SMIM36: variants seen among roughly 807,000 people sequenced by gnomAD.
The protein encoded by SMIM36 is small integral membrane protein 36.
At chr17:55,452,450 G>A (rs1908937479) in intron 4 of SMIM36, among the ~76,000 whole-genome samples, 2 of 152,172 alleles carry the variant, frequency 1.3e-5, no homozygotes, top group African/African-American at 4.8e-5. Flanking sequence ...CATAGGGCTG[G>A]AGAGGTGGGG....
At chr17:55,464,177 C>T (rs1218388261) in intron 4 of SMIM36, among the ~76,000 whole-genome samples, 1 of 152,100 alleles carries the variant, frequency 6.6e-6, no homozygotes, top group South Asian at 2.1e-4. Flanking sequence ...GTCATGTCCA[C>T]CTAGGATATT....
chr17:55,493,471 C>T (rs16955992), intron 1 of SMIM36, among the ~76,000 whole-genome samples: 2 of 152,118 alleles, frequency 1.3e-5, no homozygotes, highest in South Asian at 2.1e-4. Context: ...AGTCAAGGGT[C>T]GCACCTATTT....
At position 55,478,174 on chromosome 17, in the gene SMIM36, C is replaced by T. The variant is rs544028371; in HGVS notation, c.*347+588G>A. On this transcript the variant is annotated intron_variant, in intron 3 of 4. Coordinates refer to ENST00000636752, the Ensembl canonical transcript of SMIM36. ...TTCCAGCCTGGGAGACAAAGTGAGACTTTGTCCCTCCTCCCCCCACCCAAA... is the reference window on the plus strand; with the variant it reads ...TTCCAGCCTGGGAGACAAAGTGAGATTTTGTCCCTCCTCCCCCCACCCAAA... 9.0e-4 allele frequency among the ~76,000 whole-genome samples: 137 copies of T among 151,498 alleles called. 1 individual carries two copies. The South Asian group carries it at 0.025, about 28-fold the overall frequency.
intron 1 of SMIM36, among the ~76,000 whole-genome samples, chr17:55,497,224 T>G (rs1016934054): frequency 4.6e-5 from 7 of 152,136 alleles, no homozygotes; most frequent in African/African-American, 1.7e-4. Context: ...ATTTTTCTAC[T>G]AAGGATTTTT....
At chr17:55,487,489 G>A (rs777867096) in intron 1 of SMIM36, among the ~76,000 whole-genome samples, 2 of 152,150 alleles carry the variant, frequency 1.3e-5, no homozygotes, top group Non-Finnish European at 2.9e-5. Flanking sequence ...GAGGCACATC[G>A]GCTGATCTCT....
At chr17:55,480,566 C>A (rs1234731772) in intron 1 of SMIM36, among the ~76,000 whole-genome samples, 1 of 152,188 alleles carries the variant, frequency 6.6e-6, no homozygotes, top group African/African-American at 2.4e-5. Flanking sequence ...TTGACTTACT[C>A]CAAACCCACA....
upstream of SMIM36, among the ~76,000 whole-genome samples, chr17:55,515,097 T>G (rs935987035): frequency 2.8e-5 from 3 of 105,864 alleles, no homozygotes; most frequent in East Asian, 2.2e-4. Context: ...TTTTTTTTTT[T>G]TTTTTTTTTT....
intron 3 of SMIM36, among the ~76,000 whole-genome samples, chr17:55,469,299 G>C (rs879640195): frequency 3.9e-5 from 6 of 152,184 alleles, no homozygotes; most frequent in Non-Finnish European, 8.8e-5. Context: ...GGTGGCTGGA[G>C]CTGAAGGCAT....
rs1386228568 is a variant in SMIM36 at position 55,507,729 on chromosome 17, A to T, written c.*174+3150T>A. ...TGTACCCTAAAACTTAAAGTATAAT[A>T]AAAAAAAAAAAAGAAAAAAAAAGAA... On this transcript the variant is annotated intron_variant, in intron 1 of 4. Transcript: ENST00000636752. 4.3e-5 allele frequency among the ~76,000 whole-genome samples: 6 copies of T among 139,118 alleles called. No individual in the cohort carries two copies. In the South Asian group the frequency reaches 7.1e-4, roughly 17 times the overall value. The allele number at this position is 139,118 out of a possible 152,430, so 91.3% of individuals were successfully genotyped here. A position where few individuals can be genotyped will look rare whatever the true frequency, so the allele number is the denominator to read the frequency against.
intron 4 of SMIM36, among the ~76,000 whole-genome samples, chr17:55,463,612 T>C (rs540510873): frequency 6.6e-6 from 1 of 152,258 alleles, no homozygotes; most frequent in South Asian, 2.1e-4. Flanking sequence ...TCTCTTATTA[T>C]ACTGTACTGA....
intron 1 of SMIM36, among the ~76,000 whole-genome samples, chr17:55,500,826 AT>A (rs1236571552): frequency 1.4e-4 from 6 of 42,906 alleles, no homozygotes; most frequent in Admixed American, 4.1e-4. Flanking sequence ...ATTATATTTT[AT>A]AATATATATT....
intron 1 of SMIM36, among the ~76,000 whole-genome samples, chr17:55,483,342 G>A (rs2143279638): frequency 6.6e-6 from 1 of 152,314 alleles, no homozygotes; most frequent in South Asian, 2.1e-4. Flanking sequence ...TATGGAGACA[G>A]TGTAATAGTT....
chr17:55,483,572 A>G (rs1909555536), intron 1 of SMIM36, among the ~76,000 whole-genome samples: 1 of 152,198 alleles, frequency 6.6e-6, no homozygotes, highest in African/African-American at 2.4e-5. Flanking sequence ...CTTGAGCTGC[A>G]ACAGTAACTC....
the SMIM36 span, among the ~76,000 whole-genome samples, chr17:55,530,041 A>AAAGCTG: frequency 1.3e-5 from 2 of 152,234 alleles, no homozygotes; most frequent in Non-Finnish European, 2.9e-5. Context: ...CATCAAACTG[A>AAAGCTG]AAGCTGAGTT....
chr17:55,451,373 TTGTCTTTG>T (rs1908913500), intron 4 of SMIM36, among the ~76,000 whole-genome samples: 1 of 152,232 alleles, frequency 6.6e-6, no homozygotes, highest in Admixed American at 6.5e-5. Flanking sequence ...AAGATCTTTC[TTGTCTTTG>T]TGTCTTTGCA....
chr17:55,478,148 A>C (rs564520215), intron 3 of SMIM36, among the ~76,000 whole-genome samples: 55 of 151,944 alleles, frequency 3.6e-4, no homozygotes, highest in Non-Finnish European at 4.1e-4. Context: ...GCACCATTGC[A>C]TTCCAGCCTG....
intron 1 of SMIM36, among the ~76,000 whole-genome samples, chr17:55,488,027 C>T (rs180742332): frequency 6.6e-6 from 1 of 152,264 alleles, no homozygotes; most frequent in East Asian, 1.9e-4. Context: ...TCTTTGTCTC[C>T]CCTTGATCCT....
At chr17:55,522,208 G>A in the SMIM36 span, among the ~76,000 whole-genome samples, 5 of 152,272 alleles carry the variant, frequency 3.3e-5, no homozygotes, top group East Asian at 9.7e-4. Flanking sequence ...CAGGATCATA[G>A]TACTTGCATA....
chr17:55,484,850 C>G (rs1245504759), intron 1 of SMIM36, among the ~76,000 whole-genome samples: 1 of 152,162 alleles, frequency 6.6e-6, no homozygotes, highest in Non-Finnish European at 1.5e-5. Flanking sequence ...CTGGCTTCTG[C>G]AAGAAGTCAA....
Sources: allele counts gnomAD v4.1 joint callset (sites outside exome capture counted in the v4.1 genomes callset), GRCh38; gene constraint gnomAD v4.1.1; transcripts MANE v1.5; gene names NCBI Gene and HGNC (gene_info 2026-07-23, HGNC 2026-07-21).